The following COL4A3 variants were observed in gnomAD, a reference collection of about 807,000 sequenced individuals.
COL4A3 encodes collagen alpha-3(IV) chain.
A neutral mutation model predicts 217.4 loss-of-function variants in COL4A3; 135 were observed. That is an observed-to-expected ratio of 0.62 (90% CI 0.54 to 0.72). The LOEUF (loss-of-function observed/expected upper bound fraction) is 0.72. Among genes scored for constraint, COL4A3 ranks in the 30% least tolerant of loss-of-function variants. The probability of loss-of-function intolerance (pLI) is 0.00; values close to 1 mark genes in which losing one functional copy is unlikely to be tolerated. For synonymous variants in COL4A3, 690 were observed against 736.3 expected, an observed-to-expected ratio of 0.94 and a Z score of 1.02; for missense variants, 1,868 against 2,119.9, an observed-to-expected ratio of 0.88 and a Z score of 2.33.
intron 32 of COL4A3, among the ~76,000 whole-genome samples, chr2:227,283,331 C>T (rs1003425740): frequency 6.6e-5 from 10 of 152,218 alleles, no homozygotes; most frequent in African/African-American, 2.2e-4. Context: ...GCTACTATCA[C>T]ATGCCAGCAT....
rs539789144 is a variant in COL4A3 at position 227,251,963 on chromosome 2, G to A, written c.645+592G>A. ...GCATGCCTGTAATCCCAGCTACTCA[G>A]GGGGCTGAGGCAGGAAAATCGCTTG... is the stretch of plus-strand genomic sequence containing the variant. On this transcript the variant is annotated intron_variant, in intron 11 of 51. Transcript: ENST00000396578. Among the ~76,000 whole-genome samples the A allele has an allele frequency of 2.6e-5, 4 of 151,376 alleles. No individual in the cohort carries two copies. The South Asian group carries it at 8.4e-4, about 32-fold the overall frequency.
At chr2:227,219,300 C>T (rs971433221) in intron 1 of COL4A3, among the ~76,000 whole-genome samples, 1 of 152,140 alleles carries the variant, frequency 6.6e-6, no homozygotes, top group African/African-American at 2.4e-5. Flanking sequence ...CATGCCAGGC[C>T]CCTTGGTCCC....
At chr2:227,294,319 C>T in intron 38 of COL4A3, 171 bp from the exon 39 acceptor site, 3 of 683,488 alleles carry the variant, frequency 4.4e-6, no homozygotes, top group East Asian at 5.2e-5. Context: ...TGCACTGGTT[C>T]TCCAGGAAAA....
intron 3 of COL4A3, 127 bp from the exon 4 acceptor site, chr2:227,244,193 T>C (rs970505106): frequency 4.0e-6 from 3 of 757,958 alleles, no homozygotes; most frequent in Non-Finnish European, 7.1e-6. Flanking sequence ...TTGAATCTTA[T>C]TAACAATGAA....
Position 227,307,816 on chromosome 2 carries a change from A to C in COL4A3, c.4359A>C (p.Gln1453His). Residue 1453 changes from glutamine to histidine, a missense_variant, in exon 48 of 52, where the codon CAA (glutamine) becomes CAC (histidine). Gln to His is a conservative substitution (Grantham distance 24). Around this residue, in one of 2 missense-constraint regions of COL4A3, gnomAD observed 1,503 missense variants for 1,786.1 expected, o/e 0.84. Transcript: ENST00000396578. ...GCTTTGTCTTCACCCGACACAGTCAAACCACAGCAATTCCTTCATGTCCAG... is the reference window on the plus strand; with the variant it reads ...GCTTTGTCTTCACCCGACACAGTCACACCACAGCAATTCCTTCATGTCCAG... ...TRGFVFTRHS[Q>H]TTAIPSCPEG... The C allele has an allele frequency of 1.9e-6, 3 of 1,614,198 alleles. No homozygotes were observed. The highest frequency in any genetic ancestry group is 2.5e-6 in the Non-Finnish European group (3 of 1,180,026).
intron 43 of COL4A3, among the ~76,000 whole-genome samples, chr2:227,302,202 T>C (rs1415740449): frequency 6.6e-6 from 1 of 152,132 alleles, no homozygotes; most frequent in Admixed American, 6.6e-5. Context: ...CCTTGTCAAA[T>C]ATGCCTGTCA....
intron 1 of COL4A3, among the ~76,000 whole-genome samples, chr2:227,182,319 G>A (rs970249946): frequency 6.6e-6 from 1 of 152,166 alleles, no homozygotes; most frequent in Non-Finnish European, 1.5e-5. Context: ...CTGGAATGAG[G>A]TGGGTTCAGA....
intron 47 of COL4A3, among the ~76,000 whole-genome samples, chr2:227,306,754 G>A (rs369347366): frequency 2.0e-5 from 3 of 152,072 alleles, no homozygotes; most frequent in Admixed American, 6.6e-5. Flanking sequence ...CCAGGGGCAC[G>A]GATGTCCCAG....
chr2:227,192,246 C>T (rs2066271824), intron 1 of COL4A3, among the ~76,000 whole-genome samples: 1 of 152,148 alleles, frequency 6.6e-6, no homozygotes, highest in Admixed American at 6.5e-5. Context: ...TTGTCTAAAC[C>T]TAGTTATAGA....
chr2:227,297,548 TTTTA>T, intron 41 of COL4A3, 122 bp from the exon 42 acceptor site: 1 of 841,200 alleles, frequency 1.2e-6, no homozygotes, highest in Non-Finnish European at 1.9e-6. Context: ...AAAATATATA[TTTTA>T]GAAACATATA....
chr2:227,251,235 G>A, intron 10 of COL4A3, 33 bp downstream of exon 10: 4 of 1,600,322 alleles, frequency 2.5e-6, no homozygotes, highest in Non-Finnish European at 3.4e-6. Flanking sequence ...TACAGACTCT[G>A]TCAACTAATA....
chr2:227,306,172 G>A (rs2073494045), intron 47 of COL4A3, among the ~76,000 whole-genome samples: 1 of 152,126 alleles, frequency 6.6e-6, no homozygotes, highest in South Asian at 2.1e-4. Flanking sequence ...AATGCCCTAA[G>A]AATGGGGCAA....
intron 17 of COL4A3, among the ~76,000 whole-genome samples, chr2:227,257,313 A>G (rs1022772120): frequency 3.9e-5 from 6 of 152,226 alleles, no homozygotes; most frequent in African/African-American, 1.4e-4. Flanking sequence ...GGGTGAGAAC[A>G]CAGGAACATG....
chr2:227,207,545 C>T (rs2067147425), intron 1 of COL4A3, among the ~76,000 whole-genome samples: 1 of 152,146 alleles, frequency 6.6e-6, no homozygotes, highest in African/African-American at 2.4e-5. Flanking sequence ...AGGCTTCCCA[C>T]CTTAAGGATA....
chr2:227,292,002 C>CT (rs1207907380), intron 37 of COL4A3, among the ~76,000 whole-genome samples: 1 of 152,200 alleles, frequency 6.6e-6, no homozygotes, highest in Admixed American at 6.5e-5. Flanking sequence ...CTGGGAAAAT[C>CT]TATGGGATCC....
Position 227,253,472 on chromosome 2 carries a change from A to T in COL4A3, c.688-89A>T. On this transcript the variant is annotated intron_variant, in intron 12 of 51. Transcript: ENST00000396578. This position sits in a 1 kb window ranked among gnomAD's most constrained non-coding sequence, Gnocchi z 4.4. ...GTTCTATCTTCCCGTATAAGCACTA[A>T]AGGGGAAAAGTAGACCTTTCAAACG... The T allele has an allele frequency of 7.1e-7, 1 of 1,416,668 alleles. No individual in the cohort carries two copies. The highest frequency in any genetic ancestry group is 1.0e-6 in the Non-Finnish European group (1 of 999,970). 87.8% of individuals were successfully genotyped at this position (1,416,668 alleles called of 1,614,324 possible).
At chr2:227,266,552 A>G (rs760390612) in intron 22 of COL4A3, 43 bp downstream of exon 22, 2 of 1,436,362 alleles carry the variant, frequency 1.4e-6, no homozygotes, top group Non-Finnish European at 2.0e-6. Context: ...AGCCTTTTTC[A>G]TCGTCATTAT....
intron 1 of COL4A3, among the ~76,000 whole-genome samples, chr2:227,202,125 T>C (rs911367273): frequency 2.6e-5 from 4 of 152,182 alleles, no homozygotes; most frequent in Non-Finnish European, 5.9e-5. Flanking sequence ...TTTTATACTA[T>C]TAAGTACGGG....
At chr2:227,303,456 A>C (rs986853291) in intron 44 of COL4A3, among the ~76,000 whole-genome samples, 9 of 152,230 alleles carry the variant, frequency 5.9e-5, no homozygotes, top group Non-Finnish European at 1.2e-4. Flanking sequence ...TAGAGTAATA[A>C]GCTGAGAAAG....
Sources: gnomAD v4.1 joint callset for allele counts (sites outside exome capture counted in the v4.1 genomes callset) on GRCh38, gnomAD v4.1.1 for gene constraint, gnomAD v4.1.1 regional missense constraint, Gnocchi (gnomAD v3.1) non-coding constraint, MANE v1.5 for transcripts, NCBI Gene and HGNC (gene_info 2026-07-23, HGNC 2026-07-21) for gene names.